ARID1B: variants seen among roughly 807,000 people sequenced by gnomAD.
The protein encoded by ARID1B is AT-rich interaction domain 1B.
In ARID1B, 30 loss-of-function variants were observed where a neutral mutation model predicts 212.3. The ratio of observed to expected loss-of-function variants is 0.14; its 90% CI spans 0.11 to 0.19. The LOEUF is 0.19. ARID1B is among the 10% of genes least tolerant of loss of function. The pLI is 1.00. For synonymous variants in ARID1B, 1,402 were observed against 1,301.7 expected, an observed-to-expected ratio of 1.08 and a Z score of -1.66; for missense variants, 2,891 against 3,204.0, an observed-to-expected ratio of 0.90 and a Z score of 2.36.
intron 4 of ARID1B, among the ~76,000 whole-genome samples, chr6:157,035,802 G>A (rs1781291796): frequency 6.6e-6 from 1 of 152,172 alleles, no homozygotes; most frequent in African/African-American, 2.4e-5. Flanking sequence ...TGAAGCAGTT[G>A]GAGAAGACAA....
At chr6:157,042,134 C>G (rs566689224) in intron 4 of ARID1B, among the ~76,000 whole-genome samples, 1 of 152,322 alleles carries the variant, frequency 6.6e-6, no homozygotes, top group South Asian at 2.1e-4. Context: ...ACACCTTCCC[C>G]TCCTCCTCCA....
chr6:156,929,282 A>G (rs572525720), intron 3 of ARID1B, among the ~76,000 whole-genome samples: 279 of 152,322 alleles, frequency 1.8e-3, no homozygotes, highest in Non-Finnish European at 3.3e-3. Context: ...TGCATGTTGT[A>G]TGGATTTATA....
rs751177927 is a variant in ARID1B, at chr6:157,148,811, G to A, written c.2949G>A (p.Met983Ile). The part of the protein sequence containing the change: ...GMQNRPFPGN[M>I]SSMTPSSPGM... ...AGAACAGACCATTTCCTGGAAATATGAGCAGCATGACCCCCAGTTCTCCTG... is the reference window on the plus strand; with the variant it reads ...AGAACAGACCATTTCCTGGAAATATAAGCAGCATGACCCCCAGTTCTCCTG... Residue 983 changes from methionine to isoleucine, a missense_variant, in exon 8 of 20, where the codon ATG (methionine) becomes ATA (isoleucine). By Grantham distance (10) the Met-to-Ile change is conservative (BLOSUM62 1). This residue lies in a region of ARID1B where 1,643 missense variants were observed against 1,544.0 expected (regional missense o/e 1.06). Coordinates refer to ENST00000636930, the MANE Select transcript of ARID1B (RefSeq NM_001374828.1). The surrounding 1 kb of genome is among the most constrained non-coding windows in gnomAD (Gnocchi z 5.6). 78 of 1,612,936 alleles carry A rather than the reference G, an allele frequency of 4.8e-5. No individual in the cohort carries two copies. Among genetic ancestry groups the A allele is most frequent in the Non-Finnish European group, 6.1e-5 (72 of 1,179,880 alleles).
At chr6:156,948,985 A>G (rs560515232) in intron 4 of ARID1B, among the ~76,000 whole-genome samples, 1 of 152,366 alleles carries the variant, frequency 6.6e-6, no homozygotes, top group African/African-American at 2.4e-5. Context: ...AAGAGCAGCA[A>G]TGGCTATGAC....
intron 4 of ARID1B, among the ~76,000 whole-genome samples, chr6:157,003,071 G>A (rs958317751): frequency 9.9e-5 from 15 of 152,216 alleles, no homozygotes; most frequent in Non-Finnish European, 1.8e-4. Flanking sequence ...GGTGGGGAGT[G>A]TAAAGGCTGG....
intron 8 of ARID1B, among the ~76,000 whole-genome samples, chr6:157,157,148 G>C (rs373299256): frequency 2.0e-5 from 3 of 152,220 alleles, no homozygotes; most frequent in East Asian, 3.9e-4. Context: ...CCCTCTCACA[G>C]CTGGTGGCTG....
chr6:156,909,461 A>G (rs1469115306), intron 3 of ARID1B, among the ~76,000 whole-genome samples: 1 of 152,070 alleles, frequency 6.6e-6, no homozygotes, highest in African/African-American at 2.4e-5. Context: ...CTGTTACCAC[A>G]TCTTATTAAA....
chr6:157,123,237 CG>C (rs1273604957), intron 6 of ARID1B, among the ~76,000 whole-genome samples: 10 of 15,784 alleles, frequency 6.3e-4, no homozygotes, highest in East Asian at 5.2e-3. Flanking sequence ...CCCCGCCCCC[CG>C]CCCCCCCCCC....
At chr6:156,998,311 C>T (rs1027841045) in intron 4 of ARID1B, among the ~76,000 whole-genome samples, 1 of 151,662 alleles carries the variant, frequency 6.6e-6, no homozygotes, top group Admixed American at 6.6e-5. Flanking sequence ...ACCTCTGCCT[C>T]CCAGGTTCAA....
intron 2 of ARID1B, among the ~76,000 whole-genome samples, chr6:156,893,060 T>TTTTTTTTTTTTTTTTTTTTTG (rs1268821728): frequency 1.5e-5 from 2 of 137,696 alleles, no homozygotes; most frequent in African/African-American, 2.8e-5. Flanking sequence ...TTTTTTTTTT[T>TTTTTTTTTTTTTTTTTTTTTG]GAGATGGAGT....
At chr6:156,939,750 C>T (rs1284959257) in intron 4 of ARID1B, 2 of 151,990 alleles carry the variant, frequency 1.3e-5, no homozygotes, top group African/African-American at 2.4e-5. Context: ...ACTTTGGTAA[C>T]CATAGCTTTA....
At chr6:157,186,233 C>T in intron 13 of ARID1B, 1 of 340,444 alleles carries the variant, frequency 2.9e-6, no homozygotes, top group Non-Finnish European at 5.8e-6. Flanking sequence ...GGCCTGTTCT[C>T]TTAACAGCCA....
chr6:157,124,702 ATG>A (rs1367788566), intron 6 of ARID1B, among the ~76,000 whole-genome samples: 4 of 152,202 alleles, frequency 2.6e-5, no homozygotes, highest in Admixed American at 2.6e-4. Flanking sequence ...TGTAGAGTGT[ATG>A]TGAATAGTAT....
chr6:156,963,377 G>A (rs906899479), intron 4 of ARID1B, among the ~76,000 whole-genome samples: 11 of 152,014 alleles, frequency 7.2e-5, no homozygotes, highest in African/African-American at 2.4e-4. Flanking sequence ...GTGTGTATTC[G>A]TGGATAATTT....
chr6:156,867,114 G>A (rs1417624480), intron 2 of ARID1B, among the ~76,000 whole-genome samples: 1 of 152,118 alleles, frequency 6.6e-6, no homozygotes. Context: ...TCTGACAGAC[G>A]GTTTTCATCT....
intron 4 of ARID1B, among the ~76,000 whole-genome samples, chr6:157,000,277 C>T (rs1394964778): frequency 1.3e-5 from 2 of 152,138 alleles, no homozygotes; most frequent in South Asian, 4.1e-4. Flanking sequence ...GGCTTCTTTG[C>T]CATGTTTCTG....
intron 4 of ARID1B, among the ~76,000 whole-genome samples, chr6:157,028,381 A>G (rs1439503304): frequency 6.6e-6 from 1 of 152,214 alleles, no homozygotes; most frequent in African/African-American, 2.4e-5. Context: ...TCATGTAGAA[A>G]TAATAATGTA....
intron 2 of ARID1B, among the ~76,000 whole-genome samples, chr6:156,875,181 C>T (rs927354433): frequency 2.8e-4 from 42 of 152,146 alleles, no homozygotes; most frequent in African/African-American, 1.0e-3. Flanking sequence ...CTTCACTAAA[C>T]GAGCACTACA....
At chr6:156,986,961 T>C (rs965931520) in intron 4 of ARID1B, among the ~76,000 whole-genome samples, 1 of 152,158 alleles carries the variant, frequency 6.6e-6, no homozygotes, top group African/African-American at 2.4e-5. Flanking sequence ...GGCAGATCGC[T>C]TAAGCCCAGG....
Sources: gnomAD v4.1 joint callset for allele counts (sites outside exome capture counted in the v4.1 genomes callset) on GRCh38, gnomAD v4.1.1 for gene constraint, gnomAD v4.1.1 regional missense constraint, Gnocchi (gnomAD v3.1) non-coding constraint, MANE v1.5 for transcripts, NCBI Gene and HGNC (gene_info 2026-07-23, HGNC 2026-07-21) for gene names.